SPAG16: variants seen among roughly 807,000 people sequenced by gnomAD.
SPAG16 encodes sperm associated antigen 16.
A neutral mutation model predicts 80.4 loss-of-function variants in SPAG16; 86 were observed. That is an observed-to-expected ratio of 1.07 (90% CI 0.90 to 1.28). The LOEUF (loss-of-function observed/expected upper bound fraction) is 1.28. Ranked by LOEUF, SPAG16 falls within the 50% of genes most tolerant of loss-of-function variation. SPAG16 has a pLI of 0.00. For missense variants in SPAG16, 870 were observed against 765.3 expected, an observed-to-expected ratio of 1.14 and a Z score of -1.61; for synonymous variants, 294 against 265.9, an observed-to-expected ratio of 1.11 and a Z score of -1.03.
intron 15 of SPAG16, among the ~76,000 whole-genome samples, chr2:214,248,684 T>C (rs944265871): frequency 2.0e-5 from 3 of 152,082 alleles, no homozygotes; most frequent in Non-Finnish European, 4.4e-5. Flanking sequence ...TCCTGAGATT[T>C]TAATTTTATA....
chr2:213,308,923 T>C (rs1263301024), intron 3 of SPAG16, among the ~76,000 whole-genome samples: 1 of 152,174 alleles, frequency 6.6e-6, no homozygotes, highest in Non-Finnish European at 1.5e-5. Context: ...ATTATTTAGT[T>C]TGACATATAC....
intron 13 of SPAG16, among the ~76,000 whole-genome samples, chr2:214,042,249 A>G (rs1292716315): frequency 6.6e-6 from 1 of 151,672 alleles, no homozygotes; most frequent in Non-Finnish European, 1.5e-5. Flanking sequence ...GTGCATCACC[A>G]TGCCCAGCTA....
intron 15 of SPAG16, among the ~76,000 whole-genome samples, chr2:214,388,972 C>T (rs539437929): frequency 7.9e-5 from 12 of 152,312 alleles, no homozygotes; most frequent in African/African-American, 2.9e-4. Context: ...GCTCAGTGAC[C>T]TACCAATGGG....
chr2:214,328,157 T>A (rs1431374557), intron 15 of SPAG16, among the ~76,000 whole-genome samples: 1 of 152,026 alleles, frequency 6.6e-6, no homozygotes. Flanking sequence ...GCAGTCTTTT[T>A]TTTTTTTTCC....
At chr2:214,341,162 A>C (rs1379173640) in intron 15 of SPAG16, among the ~76,000 whole-genome samples, 1 of 152,184 alleles carries the variant, frequency 6.6e-6, no homozygotes, top group Non-Finnish European at 1.5e-5. Context: ...TATGATTGCT[A>C]AAGTAAAATA....
intron 10 of SPAG16, among the ~76,000 whole-genome samples, chr2:213,850,746 G>A (rs961979016): frequency 1.3e-5 from 2 of 152,086 alleles, no homozygotes; most frequent in African/African-American, 4.8e-5. Context: ...AGGAGGGCAA[G>A]AGAATGTGTG....
rs972081534 is a variant in SPAG16 at position 213,878,779 on chromosome 2, G to T, written c.1214+16151G>T. On this transcript the variant is annotated intron_variant, in intron 11 of 15. Coordinates refer to ENST00000331683, the MANE Select transcript of SPAG16 (RefSeq NM_024532.5). ...CTGTTTTCATCATTTTAATAGTTTC[G>T]AGTGTTACATTTAAATTCTTAATCC... Among the ~76,000 whole-genome samples the T allele has an allele frequency of 2.0e-5, 3 of 151,882 alleles. No homozygotes were observed. In the South Asian group the frequency reaches 6.2e-4, roughly 32 times the overall value.
At chr2:214,085,360 CAGAG>C (rs2051656044) in intron 13 of SPAG16, among the ~76,000 whole-genome samples, 1 of 130,302 alleles carries the variant, frequency 7.7e-6, no homozygotes, top group Non-Finnish European at 1.6e-5. Context: ...GCCTGGTTGA[CAGAG>C]GGAGATTCCA....
At chr2:214,123,412 G>A (rs932216576) in intron 14 of SPAG16, among the ~76,000 whole-genome samples, 6 of 151,822 alleles carry the variant, frequency 4.0e-5, no homozygotes, top group Non-Finnish European at 5.9e-5. Context: ...AAAATCAATC[G>A]TTTGTTTTCT....
At chr2:213,998,870 T>C (rs1289472196) in intron 12 of SPAG16, among the ~76,000 whole-genome samples, 1 of 152,182 alleles carries the variant, frequency 6.6e-6, no homozygotes, top group Non-Finnish European at 1.5e-5. Flanking sequence ...GCCCCTGCCC[T>C]AGGGATTTGT....
At chr2:214,358,907 A>G (rs1698993720) in intron 15 of SPAG16, among the ~76,000 whole-genome samples, 1 of 151,826 alleles carries the variant, frequency 6.6e-6, no homozygotes, top group Non-Finnish European at 1.5e-5. Context: ...TGCATTTAGA[A>G]CCTATGACTT....
chr2:213,625,200 C>A (rs113694894), intron 10 of SPAG16, among the ~76,000 whole-genome samples: 3 of 151,994 alleles, frequency 2.0e-5, no homozygotes, highest in Non-Finnish European at 4.4e-5. Flanking sequence ...GGGTAATTGA[C>A]AAAGAAAAGA....
At chr2:213,373,156 T>G (rs2066725582) in intron 8 of SPAG16, among the ~76,000 whole-genome samples, 1 of 152,148 alleles carries the variant, frequency 6.6e-6, no homozygotes, top group Admixed American at 6.5e-5. Context: ...TGAGAAGCTA[T>G]GATAGAGACA....
At chr2:214,387,883 G>A (rs962681624) in intron 15 of SPAG16, among the ~76,000 whole-genome samples, 6 of 152,160 alleles carry the variant, frequency 3.9e-5, no homozygotes, top group African/African-American at 9.7e-5. Context: ...CCCACAGCAC[G>A]TGTGGATTAT....
chr2:214,121,506 T>C (rs755187292), intron 14 of SPAG16, among the ~76,000 whole-genome samples: 3 of 151,880 alleles, frequency 2.0e-5, no homozygotes, highest in Non-Finnish European at 4.4e-5. Flanking sequence ...ATAAGACATA[T>C]GATCTTGAGC....
chr2:213,462,348 A>G (rs1397211961), intron 9 of SPAG16, among the ~76,000 whole-genome samples: 3 of 152,254 alleles, frequency 2.0e-5, no homozygotes, highest in Non-Finnish European at 4.4e-5. Flanking sequence ...CAGCCATAAA[A>G]GCACCTCAGT....
intron 13 of SPAG16, among the ~76,000 whole-genome samples, chr2:214,019,032 T>C (rs940924301): frequency 4.6e-5 from 7 of 151,868 alleles, no homozygotes; most frequent in African/African-American, 1.7e-4. Flanking sequence ...ACTCATGAAA[T>C]TGCTCAGTTT....
intron 15 of SPAG16, among the ~76,000 whole-genome samples, chr2:214,198,205 A>G (rs530085445): frequency 2.0e-4 from 30 of 152,006 alleles, no homozygotes; most frequent in African/African-American, 7.2e-4. Flanking sequence ...TGAGCAGTGT[A>G]CCCTGGACCC....
At chr2:213,512,298 AGACAGACAAAATG>A (rs915837740) in intron 10 of SPAG16, among the ~76,000 whole-genome samples, 1 of 152,176 alleles carries the variant, frequency 6.6e-6, no homozygotes, top group Non-Finnish European at 1.5e-5. Context: ...AAAGTTAGAG[AGACAGACAAAATG>A]GACTTGAAAC....
Sources: gnomAD v4.1 joint callset for allele counts (sites outside exome capture counted in the v4.1 genomes callset) on GRCh38, gnomAD v4.1.1 for gene constraint, MANE v1.5 for transcripts, NCBI Gene and HGNC (gene_info 2026-07-23, HGNC 2026-07-21) for gene names.